The following MYO7B variants were observed in gnomAD, a reference collection of about 807,000 sequenced individuals.
MYO7B encodes the protein myosin VIIB.
MYO7B carries 212 observed loss-of-function variants against 259.7 expected under a neutral mutation model. The ratio of observed to expected loss-of-function variants is 0.82; its 90% CI spans 0.73 to 0.91. The LOEUF is 0.91. MYO7B is among the 40% of genes least tolerant of loss of function. The pLI, the probability that MYO7B is intolerant of heterozygous loss-of-function variation, is 0.00. For synonymous variants in MYO7B, 1,197 were observed against 1,166.4 expected, an observed-to-expected ratio of 1.03 and a Z score of -0.54; for missense variants, 2,732 against 2,813.5, an observed-to-expected ratio of 0.97 and a Z score of 0.66.
chr2:127,637,287 A>C, intron 47 of MYO7B, 29 bp from the exon 48 acceptor site: 1 of 1,472,566 alleles, frequency 6.8e-7, no homozygotes, highest in Non-Finnish European at 9.0e-7. Flanking sequence ...CTGCACCCAC[A>C]GCCTCTGACC....
In MYO7B at chr2:127,634,214, G is replaced by C; in HGVS notation, c.5550G>C (p.Val1850=). The change falls in exon 41 of 48, where the codon GTG becomes GTC. Residue 1850 remains valine, a synonymous_variant. Transcript: ENST00000409816. ...EVVANTRVRD[V]CDSIATRLQL... ...TTGCCAACACACGGGTGCGGGATGT[G>C]TGTGACAGCATTGCCACCAGGCTGC... 6.2e-7 allele frequency: 1 copy of C among 1,602,962 alleles called. No homozygotes were observed. Among genetic ancestry groups the C allele is most frequent in the Non-Finnish European group, 8.5e-7 (1 of 1,176,742 alleles).
In MYO7B at chr2:127,590,019, G is replaced by T; in HGVS notation, c.1855-73G>T. The T allele has an allele frequency of 1.3e-6, 2 of 1,509,914 alleles. No homozygotes were observed. Among genetic ancestry groups the T allele is most frequent in the Non-Finnish European group, 1.8e-6 (2 of 1,114,436 alleles). 93.5% of individuals were successfully genotyped at this position (1,509,914 alleles called of 1,614,324 possible). On this transcript the variant is annotated intron_variant, in intron 15 of 47. Transcript: ENST00000409816. The surrounding 1 kb of genome is among the most constrained non-coding windows in gnomAD (Gnocchi z 4.6). The stretch of plus-strand genomic sequence containing the variant: ...CTGTGGGGCCTTGGCCGCAACCCTT[G>T]CTGGCCTACAGGGTCAGCTGTCCCA...
chr2:127,614,469 G>A lies in MYO7B; in HGVS notation c.3398+1866G>A, dbSNP rs1680498397. The stretch of plus-strand genomic sequence containing the variant: ...TGTCCTCTCTCCTCCTTGCCCATCA[G>A]GATGGGCTCAGAATTCTCCAGGAAC... On this transcript the variant is annotated intron_variant, in intron 26 of 47. Transcript: ENST00000409816. The surrounding 1 kb of genome is among the most constrained non-coding windows in gnomAD (Gnocchi z 4.6). Among the ~76,000 whole-genome samples, 1 of 152,160 alleles carries A rather than the reference G, an allele frequency of 6.6e-6. No homozygotes were observed. The highest frequency in any genetic ancestry group is 2.4e-5 in the African/African-American group (1 of 41,436).
At chr2:127,621,876 C>T in intron 27 of MYO7B, 106 bp from the exon 28 acceptor site, 1 of 1,487,068 alleles carries the variant, frequency 6.7e-7, no homozygotes, top group South Asian at 1.2e-5. Context: ...CCCCTCAATG[C>T]ACATTATACA....
Position 127,607,043 on chromosome 2 carries a change from C to G in MYO7B, c.2425-163C>G, listed in dbSNP as rs1055072870. 6.6e-6 allele frequency among the ~76,000 whole-genome samples: 1 copy of G among 152,266 alleles called. No individual in the cohort carries two copies. The highest frequency in any genetic ancestry group is 6.5e-5 in the Admixed American group (1 of 15,288). ...CCTAAGTACTTTGTAAGCAATAACT[C>G]ACTATTCTTGTGTTCATAGGTGTGT... On this transcript the variant is annotated intron_variant, in intron 20 of 47. Coordinates refer to ENST00000409816, the MANE Select transcript of MYO7B (RefSeq NM_001393586.1). This position sits in a 1 kb window ranked among gnomAD's most constrained non-coding sequence, Gnocchi z 4.4.
rs369259561 is a variant in MYO7B at position 127,577,682 on chromosome 2, G to A, written c.850-451G>A. Among the ~76,000 whole-genome samples the A allele has an allele frequency of 9.9e-5, 15 of 152,132 alleles. No individual in the cohort carries two copies. Among genetic ancestry groups the A allele is most frequent in the Admixed American group, 8.5e-4 (13 of 15,286 alleles). On this transcript the variant is annotated intron_variant, in intron 8 of 47. Coordinates refer to ENST00000409816, the MANE Select transcript of MYO7B (RefSeq NM_001393586.1). This position sits in a 1 kb window ranked among gnomAD's most constrained non-coding sequence, Gnocchi z 5.2. ...TCCAAGAAGCCTTTCTCCACCTCTC[G>A]ATAGGGCTGGCCCCGGCCCCTGTGG...
At chr2:127,541,080 T>C (rs1391368636) in intron 1 of MYO7B, among the ~76,000 whole-genome samples, 1 of 152,168 alleles carries the variant, frequency 6.6e-6, no homozygotes. Flanking sequence ...CTCTCCACAG[T>C]GAAGGCAGCA....
chr2:127,585,075 G>A lies in MYO7B; in HGVS notation c.1690+162G>A, dbSNP rs1468205631. The stretch of plus-strand genomic sequence containing the variant: ...TGGAGAAAGAAAATGGAGTGGACCG[G>A]GCATGTTTTGTTTTGTTTCTGGTAA... On this transcript the variant is annotated intron_variant, in intron 14 of 47. Transcript: ENST00000409816. The surrounding 1 kb of genome is among the most constrained non-coding windows in gnomAD (Gnocchi z 4.3). Among the ~76,000 whole-genome samples, 2 of 152,034 alleles carry A rather than the reference G, an allele frequency of 1.3e-5. No homozygotes were observed. The highest frequency in any genetic ancestry group is 1.9e-4 in the East Asian group (1 of 5,192).
Position 127,571,539 on chromosome 2 carries a change from G to A in MYO7B, c.592+1629G>A, listed in dbSNP as rs192339337. Among the ~76,000 whole-genome samples the A allele has an allele frequency of 1.1e-4, 16 of 147,440 alleles. No individual in the cohort carries two copies. The East Asian group carries it at 3.3e-3, about 30-fold the overall frequency. The stretch of plus-strand genomic sequence containing the variant: ...CTTGTTGCCCAGGCTGGAGCACAAT[G>A]GCACGATCTCGGCTCACTGCAACCT... On this transcript the variant is annotated intron_variant, in intron 6 of 47. Coordinates refer to ENST00000409816, the MANE Select transcript of MYO7B (RefSeq NM_001393586.1).
intron 18 of MYO7B, among the ~76,000 whole-genome samples, chr2:127,594,377 C>T (rs556297654): frequency 1.3e-5 from 2 of 152,366 alleles, no homozygotes; most frequent in African/African-American, 4.8e-5. Flanking sequence ...CCCACCCATC[C>T]CTGCTGCCCC....
chr2:127,629,074 C>T (rs1681318937), intron 34 of MYO7B, among the ~76,000 whole-genome samples: 1 of 152,150 alleles, frequency 6.6e-6, no homozygotes, highest in Non-Finnish European at 1.5e-5. Context: ...GCTGGGCCAG[C>T]CTGCTGGCCG....
rs1679817324 is a variant in MYO7B, at chr2:127,597,520, A to G, written c.2339+964A>G. Among the ~76,000 whole-genome samples the G allele has an allele frequency of 6.6e-6, 1 of 152,080 alleles. No individual in the cohort carries two copies. Among genetic ancestry groups the G allele is most frequent in the Non-Finnish European group, 1.5e-5 (1 of 68,028 alleles). ...AATGTTGCCATTGCACAAATGTTAT[A>G]TACGTGGAATTATACAACATGCAGC... On this transcript the variant is annotated intron_variant, in intron 19 of 47. Coordinates refer to ENST00000409816, the MANE Select transcript of MYO7B (RefSeq NM_001393586.1). The surrounding 1 kb of genome is among the most constrained non-coding windows in gnomAD (Gnocchi z 4.8).
Position 127,612,240 on chromosome 2 carries a change from C to T in MYO7B, c.3193-10C>T, listed in dbSNP as rs1418437723. On this transcript the variant is annotated splice_polypyrimidine_tract_variant and intron_variant, in intron 24 of 47. Coordinates refer to ENST00000409816, the MANE Select transcript of MYO7B (RefSeq NM_001393586.1). ...GCTCACCTTCCTGCGGGAACTGTCTCCCTCCACAGAGATCTGGCTGCAAGG... is the reference window on the plus strand; with the variant it reads ...GCTCACCTTCCTGCGGGAACTGTCTTCCTCCACAGAGATCTGGCTGCAAGG... 1 of 629,340 alleles carries T rather than the reference C, an allele frequency of 1.6e-6. No homozygotes were observed. The highest frequency in any genetic ancestry group is 1.8e-5 in the African/African-American group (1 of 55,430). The allele number at this position is 629,340 out of a possible 1,614,324, so 39.0% of individuals were successfully genotyped here.
Position 127,565,315 on chromosome 2 carries a change from G to A in MYO7B, c.215G>A (p.Arg72His), listed in dbSNP as rs1366714358. 5 of 1,614,042 alleles carry A rather than the reference G, an allele frequency of 3.1e-6. No individual in the cohort carries two copies. The highest frequency in any genetic ancestry group is 2.2e-5 in the East Asian group (1 of 44,878). ...GTCCAGGGTGTGGACGACATGATCC[G>A]CCTGGGGGACCTGAACGAGGCAGGC... is the stretch of plus-strand genomic sequence containing the variant. Reference protein sequence around the residue: ...NSVQGVDDMIRLGDLNEAGMV... With the variant: ...NSVQGVDDMIHLGDLNEAGMV... Residue 72 changes from arginine (R) to histidine (H), a missense_variant, in exon 4 of 48, where the codon CGC becomes CAC. By Grantham distance (29) the Arg-to-His change is conservative. Around this residue, in one of 3 missense-constraint regions of MYO7B, gnomAD observed 1,906 missense variants for 2,026.4 expected, o/e 0.94. Coordinates refer to ENST00000409816, the MANE Select transcript of MYO7B (RefSeq NM_001393586.1).
Position 127,623,334 on chromosome 2 carries a change from G to C in MYO7B, c.3778G>C (p.Asp1260His). 1 of 1,609,138 alleles carries C rather than the reference G, an allele frequency of 6.2e-7. No homozygotes were observed. The highest frequency in any genetic ancestry group is 8.5e-7 in the Non-Finnish European group (1 of 1,177,710). ...MHIAHKQGLS[D>H]HLGFSLQVAV... ...CATCGCTCACAAGCAGGGCCTCAGC[G>C]ACCACCTGGGCTTCTCCCTCCAGGT... The change falls in exon 29 of 48, where the codon GAC becomes CAC. Residue 1260 changes from aspartate (D) to histidine (H), a missense_variant. This residue lies in a region of MYO7B where 1,906 missense variants were observed against 2,026.4 expected (regional missense o/e 0.94). Transcript: ENST00000409816.
In MYO7B at chr2:127,636,781, T is replaced by G; in HGVS notation, c.6208-13T>G. The stretch of plus-strand genomic sequence containing the variant: ...CTGGAGGCGTCCGGCCCACCCACCC[T>G]CTCTGCCCCCAGGACCTGCTCACCA... On this transcript the variant is annotated splice_polypyrimidine_tract_variant and intron_variant, in intron 46 of 47. Coordinates refer to ENST00000409816, the MANE Select transcript of MYO7B (RefSeq NM_001393586.1). This position sits in a 1 kb window ranked among gnomAD's most constrained non-coding sequence, Gnocchi z 4.5. The G allele has an allele frequency of 1.1e-6, 1 of 938,568 alleles. No individual in the cohort carries two copies. The highest frequency in any genetic ancestry group is 1.6e-6 in the Non-Finnish European group (1 of 624,488). 58.1% of individuals were successfully genotyped at this position (938,568 alleles called of 1,614,324 possible).
chr2:127,635,560 T>TA, intron 43 of MYO7B, 162 bp from the exon 44 acceptor site: 1 of 794,612 alleles, frequency 1.3e-6, no homozygotes, highest in East Asian at 2.7e-5. Flanking sequence ...GGCCCTGCCC[T>TA]GACTCAGGGT....
At chr2:127,610,041 G>C in intron 24 of MYO7B, 25 bp downstream of exon 24, 1 of 1,603,540 alleles carries the variant, frequency 6.2e-7, no homozygotes, top group Non-Finnish European at 8.5e-7. Flanking sequence ...GCAGCGGGCA[G>C]AGGAGGGCGA....
chr2:127,612,076 G>A (rs971764898), intron 24 of MYO7B, among the ~76,000 whole-genome samples, 174 bp from the exon 25 acceptor site: 2 of 152,160 alleles, frequency 1.3e-5, no homozygotes, highest in Admixed American at 1.3e-4. Flanking sequence ...ACACGCACCT[G>A]TATGTGTGTG....
Sources: gnomAD v4.1 joint callset for allele counts (sites outside exome capture counted in the v4.1 genomes callset) on GRCh38, gnomAD v4.1.1 for gene constraint, gnomAD v4.1.1 regional missense constraint, Gnocchi (gnomAD v3.1) non-coding constraint, MANE v1.5 for transcripts, NCBI Gene and HGNC (gene_info 2026-07-23, HGNC 2026-07-21) for gene names.